The following CCDC85A variants were observed in gnomAD, a reference collection of about 807,000 sequenced individuals.
CCDC85A encodes coiled-coil domain-containing protein 85A.
A neutral mutation model predicts 50.2 loss-of-function variants in CCDC85A; 38 were observed. The ratio of observed to expected loss-of-function variants is 0.76; its 90% CI spans 0.58 to 0.99. The LOEUF (loss-of-function observed/expected upper bound fraction) is 0.99, where lower values mean the gene tolerates loss of function less well. CCDC85A is among the 50% of genes least tolerant of loss of function. The pLI is 0.00. For missense variants in CCDC85A, 820 were observed against 742.0 expected, an observed-to-expected ratio of 1.11 and a Z score of -1.22; for synonymous variants, 366 against 301.4, an observed-to-expected ratio of 1.21 and a Z score of -2.22.
At chr2:56,248,053 C>T (rs554209835) in intron 2 of CCDC85A, among the ~76,000 whole-genome samples, 1 of 152,184 alleles carries the variant, frequency 6.6e-6, no homozygotes, top group Non-Finnish European at 1.5e-5. Flanking sequence ...CTTTCTCTCT[C>T]ACTGGATCAT....
At chr2:56,301,640 G>T (rs910456824) in intron 2 of CCDC85A, among the ~76,000 whole-genome samples, 1 of 152,202 alleles carries the variant, frequency 6.6e-6, no homozygotes, top group Non-Finnish European at 1.5e-5. Flanking sequence ...AAATTTTCTA[G>T]GTGCTAAGGC....
At chr2:56,344,475 T>C (rs1178836299) in intron 3 of CCDC85A, among the ~76,000 whole-genome samples, 10 of 152,206 alleles carry the variant, frequency 6.6e-5, no homozygotes, top group African/African-American at 2.4e-4. Flanking sequence ...TTCCATTTAA[T>C]ATTTTTGGGC....
rs182530762 is a variant in CCDC85A, at chr2:56,322,896, A to G, written c.1241-19983A>G. Among the ~76,000 whole-genome samples the G allele has an allele frequency of 3.3e-3, 508 of 152,284 alleles. 2 individuals carry two copies. Among genetic ancestry groups the G allele is most frequent in the African/African-American group, 0.012 (490 of 41,564 alleles). ...ATAGCATAGACTTGGAACCAACCCA[A>G]ATGTCCATCAATGATAGACTGGATT... On this transcript the variant is annotated intron_variant, in intron 2 of 5. Coordinates refer to ENST00000407595, the MANE Select transcript of CCDC85A (RefSeq NM_001080433.2).
At chr2:56,189,295 G>GTATTT (rs773078371) in intron 1 of CCDC85A, among the ~76,000 whole-genome samples, 22 of 100,456 alleles carry the variant, frequency 2.2e-4, no homozygotes, top group South Asian at 3.2e-4. Flanking sequence ...GGTATTTTTG[G>GTATTT]TGTTTTTTTT....
At chr2:56,323,921 G>C (rs11125621) in intron 2 of CCDC85A, among the ~76,000 whole-genome samples, 26,093 of 152,058 alleles carry the variant, frequency 0.17, 2,493 homozygotes, top group Admixed American at 0.24. Context: ...GTTATTTAGG[G>C]TACGAAGTTT....
chr2:56,267,812 A>G (rs1374231806), intron 2 of CCDC85A, among the ~76,000 whole-genome samples: 2 of 152,332 alleles, frequency 1.3e-5, no homozygotes, highest in Non-Finnish European at 2.9e-5. Context: ...AAATCTAACT[A>G]TCAGGATTTA....
chr2:56,253,497 A>G (rs563505848), intron 2 of CCDC85A, among the ~76,000 whole-genome samples: 55 of 152,290 alleles, frequency 3.6e-4, no homozygotes, highest in African/African-American at 1.3e-3. Flanking sequence ...GCCATAGTAC[A>G]GGTTTCATCT....
At chr2:56,232,296 C>G (rs1420338103) in intron 2 of CCDC85A, among the ~76,000 whole-genome samples, 1 of 152,116 alleles carries the variant, frequency 6.6e-6, no homozygotes, top group Non-Finnish European at 1.5e-5. Flanking sequence ...CTATTTCCCC[C>G]CTGAGACTGC....
intron 2 of CCDC85A, among the ~76,000 whole-genome samples, chr2:56,280,599 A>C (rs568659027): frequency 6.6e-6 from 1 of 152,168 alleles, no homozygotes; most frequent in Non-Finnish European, 1.5e-5. Flanking sequence ...CTCCAAAGAC[A>C]ATCCCCTCCC....
chr2:56,276,090 C>A (rs1159730494), intron 2 of CCDC85A, among the ~76,000 whole-genome samples: 1 of 152,102 alleles, frequency 6.6e-6, no homozygotes, highest in Non-Finnish European at 1.5e-5. Context: ...GGGAATTTTA[C>A]ATCACATGAA....
chr2:56,304,656 A>C (rs1672352552), intron 2 of CCDC85A, among the ~76,000 whole-genome samples: 1 of 152,166 alleles, frequency 6.6e-6, no homozygotes, highest in Non-Finnish European at 1.5e-5. Context: ...TCACTCTCTA[A>C]ACTTTTATCC....
rs188314040 is a variant in CCDC85A at position 56,185,198 on chromosome 2, G to C, written c.276+298G>C. Among the ~76,000 whole-genome samples the C allele has an allele frequency of 5.9e-5, 9 of 152,328 alleles. No homozygotes were observed. The East Asian group carries it at 1.7e-3, about 29-fold the overall frequency. ...GCACGCGAACCTTTCATTTCTTAGG[G>C]AGGCTGGAAAATCTGTGCCTGGGGA... On this transcript the variant is annotated intron_variant, in intron 1 of 5. Coordinates refer to ENST00000407595, the MANE Select transcript of CCDC85A (RefSeq NM_001080433.2).
intron 2 of CCDC85A, among the ~76,000 whole-genome samples, chr2:56,214,902 A>G (rs1677328648): frequency 6.6e-6 from 1 of 151,958 alleles, no homozygotes; most frequent in Non-Finnish European, 1.5e-5. Context: ...GTTGATATCT[A>G]TAAAACAGTT....
At chr2:56,223,771 C>T (rs1668429102) in intron 2 of CCDC85A, among the ~76,000 whole-genome samples, 1 of 152,090 alleles carries the variant, frequency 6.6e-6, no homozygotes, top group African/African-American at 2.4e-5. Flanking sequence ...TGCCCCAAAG[C>T]CTGGCCATAC....
rs146578947 is a variant in CCDC85A at position 56,382,732 on chromosome 2, C to G, written c.1573-1534C>G. ...AGAGTTTCCTTTCACCACATAGTTA[C>G]ATCTGGGTTAAGCTCATTGTGTTCC... is the stretch of plus-strand genomic sequence containing the variant. On this transcript the variant is annotated intron_variant, in intron 5 of 5. Transcript: ENST00000407595. Among the ~76,000 whole-genome samples, 286 of 152,094 alleles carry G rather than the reference C, an allele frequency of 1.9e-3. 1 individual carries two copies. Among genetic ancestry groups the G allele is most frequent in the African/African-American group, 6.6e-3 (276 of 41,530 alleles).
chr2:56,242,474 G>C (rs1669305336), intron 2 of CCDC85A, among the ~76,000 whole-genome samples: 1 of 151,956 alleles, frequency 6.6e-6, no homozygotes, highest in Non-Finnish European at 1.5e-5. Context: ...AGTTGATGGG[G>C]GAGATGCTCC....
chr2:56,275,412 A>T lies in CCDC85A; in HGVS notation c.1241-67467A>T, dbSNP rs542503005. Among the ~76,000 whole-genome samples, 22 of 152,288 alleles carry T rather than the reference A, an allele frequency of 1.4e-4. No individual in the cohort carries two copies. The South Asian group carries it at 4.4e-3, about 30-fold the overall frequency. On this transcript the variant is annotated intron_variant, in intron 2 of 5. Transcript: ENST00000407595. ...AGTTAGAATTGTTTCACTATGAAATAGATCATCACTGCTATAGGTGCCATT... is the reference window on the plus strand; with the variant it reads ...AGTTAGAATTGTTTCACTATGAAATTGATCATCACTGCTATAGGTGCCATT...
At chr2:56,246,998 C>T (rs1233739947) in intron 2 of CCDC85A, among the ~76,000 whole-genome samples, 2 of 152,176 alleles carry the variant, frequency 1.3e-5, no homozygotes, top group African/African-American at 2.4e-5. Context: ...TAATTTTCAA[C>T]ATTTTTCTAT....
intron 2 of CCDC85A, among the ~76,000 whole-genome samples, chr2:56,338,575 A>G (rs1674197714): frequency 6.6e-6 from 1 of 152,130 alleles, no homozygotes; most frequent in Admixed American, 6.5e-5. Flanking sequence ...ACTTTTTTTA[A>G]GAAAGTGTTG....
Sources: allele counts gnomAD v4.1 joint callset (sites outside exome capture counted in the v4.1 genomes callset), GRCh38; gene constraint gnomAD v4.1.1; transcripts MANE v1.5; gene names NCBI Gene and HGNC (gene_info 2026-07-23, HGNC 2026-07-21).